The following PRKCZ variants were observed in gnomAD, a reference collection of about 807,000 sequenced individuals.
The protein encoded by PRKCZ is protein kinase C zeta type.
In PRKCZ, 33 loss-of-function variants were observed where a neutral mutation model predicts 79.5. The ratio of observed to expected loss-of-function variants is 0.41; its 90% confidence interval spans 0.31 to 0.55. The LOEUF (loss-of-function observed/expected upper bound fraction) is 0.55, where lower values mean the gene tolerates loss of function less well. PRKCZ is among the 20% of genes least tolerant of loss of function. The pLI is 0.19. For synonymous variants in PRKCZ, 342 were observed against 320.9 expected (o/e 1.07, Z -0.70); for missense variants, 578 against 813.5 (o/e 0.71, Z 3.52).
chr1:2,133,843 C>T (rs1045382462), intron 4 of PRKCZ: 1 of 152,382 alleles, frequency 6.6e-6, no homozygotes, highest in African/African-American at 2.4e-5. Flanking sequence ...GGAGCCAGGA[C>T]CTGCCGTAGG....
intron 5 of PRKCZ, among the ~76,000 whole-genome samples, chr1:2,139,049 G>T (rs1676793423): frequency 1.3e-5 from 2 of 152,132 alleles, no homozygotes; most frequent in Admixed American, 1.3e-4. Context: ...CAAATTAAAT[G>T]CAAAAAACAT....
At position 2,128,907 on chromosome 1, in the gene PRKCZ, G is replaced by A. The variant is rs1416605949; in HGVS notation, c.335-6355G>A. Among the ~76,000 whole-genome samples the A allele has an allele frequency of 1.3e-5, 2 of 152,188 alleles. No homozygotes were observed. The highest frequency in any genetic ancestry group is 2.9e-5 in the Non-Finnish European group (2 of 68,024). ...GCCTCCTCGCCGGTAGTATCTGGGG[G>A]CCAGGGGCCGTTTCCAGAGCACACT... On this transcript the variant is annotated intron_variant, in intron 4 of 17. Transcript: ENST00000378567. The surrounding 1 kb of genome is among the most constrained non-coding windows in gnomAD (Gnocchi z 6.5).
chr1:2,122,198 G>C (rs535545172), intron 4 of PRKCZ, among the ~76,000 whole-genome samples: 3 of 8,986 alleles, frequency 3.3e-4, no homozygotes, highest in Admixed American at 1.6e-3. Context: ...TGGTTAGGGT[G>C]GTGGTGGTTA....
rs1271007722 is a variant in PRKCZ, at chr1:2,094,382, C to A, written c.334+34791C>A. On this transcript the variant is annotated intron_variant, in intron 4 of 17. Transcript: ENST00000378567. This position sits in a 1 kb window ranked among gnomAD's most constrained non-coding sequence, Gnocchi z 7.3. The stretch of plus-strand genomic sequence containing the variant: ...CGGCTCGTTGAACCTTGGGCACTGC[C>A]CATTCTGAGGCGCCCGCTGTGCCCG... Among the ~76,000 whole-genome samples the A allele has an allele frequency of 6.6e-6, 1 of 151,994 alleles. No homozygotes were observed. Among genetic ancestry groups the A allele is most frequent in the Non-Finnish European group, 1.5e-5 (1 of 67,998 alleles).
Position 2,147,365 on chromosome 1 carries a change from C to T in PRKCZ, c.634+1257C>T, listed in dbSNP as rs142864896. On this transcript the variant is annotated intron_variant, in intron 7 of 17. Coordinates refer to ENST00000378567, the MANE Select transcript of PRKCZ (RefSeq NM_002744.6). ...ACCTCTCCATCTATCCATCTATTGT[C>T]CACTGACCTCTCTATCTATCCATCT... Among the ~76,000 whole-genome samples, 431 of 150,514 alleles carry T rather than the reference C, an allele frequency of 2.9e-3. 2 individuals carry two copies. The highest frequency in any genetic ancestry group is 7.9e-3 in the Admixed American group (119 of 15,108).
At chr1:2,050,770 G>A (rs928476804) in intron 1 of PRKCZ, 69 bp downstream of exon 1, 2 of 989,628 alleles carry the variant, frequency 2.0e-6, no homozygotes, top group African/African-American at 1.7e-5. Flanking sequence ...CAGCCGTCGG[G>A]GCTCCTGCGC....
chr1:2,056,229 C>T (rs945998020), intron 2 of PRKCZ, among the ~76,000 whole-genome samples: 2 of 152,242 alleles, frequency 1.3e-5, no homozygotes, highest in East Asian at 1.9e-4. Flanking sequence ...ACTGCTTAGC[C>T]CTCCAAGTGG....
At chr1:2,135,183 G>C in intron 4 of PRKCZ, 79 bp from the exon 5 acceptor site, 1 of 1,266,242 alleles carries the variant, frequency 7.9e-7, no homozygotes, top group Non-Finnish European at 1.1e-6. Flanking sequence ...CTGGACGGGA[G>C]TGGCCTGTCG....
intron 4 of PRKCZ, among the ~76,000 whole-genome samples, chr1:2,112,750 C>T (rs1477787466): frequency 2.7e-5 from 4 of 150,436 alleles, no homozygotes; most frequent in Non-Finnish European, 4.4e-5. Flanking sequence ...AGTGCAGTGG[C>T]GTGATCTCGG....
chr1:2,125,640 G>A lies in PRKCZ; in HGVS notation c.335-9622G>A, dbSNP rs532669993. 1.3e-5 allele frequency among the ~76,000 whole-genome samples: 2 copies of A among 152,314 alleles called. No individual in the cohort carries two copies. The highest frequency in any genetic ancestry group is 3.9e-4 in the East Asian group (2 of 5,174). On this transcript the variant is annotated intron_variant, in intron 4 of 17. Coordinates refer to ENST00000378567, the MANE Select transcript of PRKCZ (RefSeq NM_002744.6). This position sits in a 1 kb window ranked among gnomAD's most constrained non-coding sequence, Gnocchi z 4.2. ...CTCCCAGGGAACCCAAGAAAAGACT[G>A]AGACCCTGTGGTGCCTCCCGCTTTC...
At chr1:2,145,654 C>G (rs1209987943) in intron 6 of PRKCZ, 2 of 252,654 alleles carry the variant, frequency 7.9e-6, no homozygotes, top group African/African-American at 4.5e-5. Flanking sequence ...AGGCTCACAC[C>G]TGTAATCCCA....
chr1:2,146,359 G>C (rs1227132076), intron 7 of PRKCZ, among the ~76,000 whole-genome samples: 10 of 152,214 alleles, frequency 6.6e-5, no homozygotes, highest in Admixed American at 5.2e-4. Context: ...GTGAAGTGCT[G>C]TTGTGGTTGC....
intron 16 of PRKCZ, among the ~76,000 whole-genome samples, chr1:2,180,968 G>T (rs780658096): frequency 6.6e-6 from 1 of 152,194 alleles, no homozygotes; most frequent in Non-Finnish European, 1.5e-5. Flanking sequence ...GGACCCTGGC[G>T]TGCTGTCCCC....
intron 1 of PRKCZ, among the ~76,000 whole-genome samples, chr1:2,054,905 C>A (rs1398952486): frequency 6.6e-6 from 1 of 151,300 alleles, no homozygotes; most frequent in African/African-American, 2.4e-5. Flanking sequence ...AGGTAGGTCG[C>A]GCTTTTTTCT....
chr1:2,097,714 G>C (rs1028720940), intron 4 of PRKCZ, among the ~76,000 whole-genome samples: 2 of 152,222 alleles, frequency 1.3e-5, no homozygotes, highest in African/African-American at 4.8e-5. Flanking sequence ...GGGGGCCCAG[G>C]CTCCTGGGGA....
At chr1:2,091,279 T>A (rs1665451422) in intron 4 of PRKCZ, among the ~76,000 whole-genome samples, 1 of 152,226 alleles carries the variant, frequency 6.6e-6, no homozygotes, top group African/African-American at 2.4e-5. Flanking sequence ...TCAGGTGATC[T>A]GCCCGTCTTG....
In PRKCZ at chr1:2,168,009, G is replaced by T. The variant is rs563574471; in HGVS notation, c.975-1509G>T. Among the ~76,000 whole-genome samples, 1 of 152,190 alleles carries T rather than the reference G, an allele frequency of 6.6e-6. No individual in the cohort carries two copies. The highest frequency in any genetic ancestry group is 6.5e-5 in the Admixed American group (1 of 15,286). ...GGAGGCCTTCATGGAGCTTCGTTCC[G>T]TGGGGTTGACGTTACTGAACGAGTC... On this transcript the variant is annotated intron_variant, in intron 10 of 17. Transcript: ENST00000378567. This position sits in a 1 kb window ranked among gnomAD's most constrained non-coding sequence, Gnocchi z 4.7.
intron 4 of PRKCZ, chr1:2,073,998 C>T (rs1571171436): frequency 7.1e-7 from 1 of 1,417,866 alleles, no homozygotes; most frequent in Non-Finnish European, 9.2e-7. Flanking sequence ...GCTGCAGGCC[C>T]TGTGCGTGCG....
chr1:2,052,377 C>T (rs1436939703), intron 1 of PRKCZ, among the ~76,000 whole-genome samples: 1 of 151,390 alleles, frequency 6.6e-6, no homozygotes, highest in Non-Finnish European at 1.5e-5. Context: ...AGGCTCCCAC[C>T]CCTTCCTCTT....
Sources: gnomAD v4.1 joint callset for allele counts (sites outside exome capture counted in the v4.1 genomes callset) on GRCh38, gnomAD v4.1.1 for gene constraint, Gnocchi (gnomAD v3.1) non-coding constraint, MANE v1.5 for transcripts, NCBI Gene and HGNC (gene_info 2026-07-23, HGNC 2026-07-21) for gene names.